TBL1X: variants seen among roughly 807,000 people sequenced by gnomAD.
The protein encoded by TBL1X is transducin beta like 1 X-linked, also known as F-box-like/WD repeat-containing protein TBL1X.
Under a neutral mutation model 50.7 loss-of-function variants are expected in TBL1X, and 10 were observed. The observed-to-expected ratio is 0.20, with a 90% CI of 0.12 to 0.33. The LOEUF (loss-of-function observed/expected upper bound fraction) is 0.33. Ranked by LOEUF, TBL1X falls within the 10% of genes least tolerant of loss-of-function variation. The pLI, the probability that TBL1X is intolerant of heterozygous loss-of-function variation, is 1.00. For synonymous variants in TBL1X, 190 were observed against 214.7 expected (o/e 0.88, Z 1.01); for missense variants, 340 against 504.4 (o/e 0.67, Z 3.12).
At chrX:9,649,266 C>A (rs2082821293) in intron 3 of TBL1X, among the ~76,000 whole-genome samples, 1 of 112,167 alleles carries the variant, frequency 8.9e-6, no homozygotes. Flanking sequence ...TAAAAGCTAG[C>A]AAAGTAAGTG....
chrX:9,513,329 C>T (rs1391527013), intron 2 of TBL1X, among the ~76,000 whole-genome samples: 1 of 110,721 alleles, frequency 9.0e-6, no homozygotes, highest in Non-Finnish European at 1.9e-5. Flanking sequence ...CAGAAATTCC[C>T]CTCACGAGGT....
chrX:9,571,274 A>G (rs1043057165), intron 2 of TBL1X, among the ~76,000 whole-genome samples: 5 of 111,877 alleles, frequency 4.5e-5, no homozygotes, highest in Non-Finnish European at 9.4e-5. Flanking sequence ...GAGAGCTTGC[A>G]CACTTCGACA....
At chrX:9,513,257 C>A (rs1026336709) in intron 2 of TBL1X, among the ~76,000 whole-genome samples, 1 of 110,963 alleles carries the variant, frequency 9.0e-6, no homozygotes, top group African/African-American at 3.3e-5. Flanking sequence ...TCATATTAAA[C>A]TAACCCAGGT....
intron 2 of TBL1X, among the ~76,000 whole-genome samples, chrX:9,513,905 G>A (rs1388438686): frequency 2.8e-5 from 3 of 108,854 alleles, no homozygotes; most frequent in Non-Finnish European, 5.7e-5. Flanking sequence ...CATGGCAAGA[G>A]AGGGAGCAAG....
intron 11 of TBL1X, among the ~76,000 whole-genome samples, chrX:9,694,667 C>G (rs1289555451): frequency 9.0e-6 from 1 of 111,629 alleles, no homozygotes; most frequent in Non-Finnish European, 1.9e-5. Flanking sequence ...CTTTCTAGTT[C>G]TGAAAGTTAT....
chrX:9,606,250 A>T (rs1428350405), intron 2 of TBL1X, among the ~76,000 whole-genome samples: 1 of 111,747 alleles, frequency 8.9e-6, no homozygotes, highest in African/African-American at 3.3e-5. Context: ...GCTCACGGGG[A>T]CCGACCGTCT....
intron 5 of TBL1X, among the ~76,000 whole-genome samples, chrX:9,673,713 G>C (rs961911695): frequency 8.9e-6 from 1 of 112,448 alleles, no homozygotes; most frequent in African/African-American, 3.2e-5. Flanking sequence ...TTCAAATACA[G>C]TTGGCCCTCC....
intron 2 of TBL1X, among the ~76,000 whole-genome samples, chrX:9,618,404 G>A (rs988054860): frequency 1.1e-4 from 12 of 112,286 alleles, no homozygotes; most frequent in East Asian, 5.6e-4. Context: ...GGCCGGGCGC[G>A]GTGGCTCACG....
rs187187813 is a variant in TBL1X, at chrX:9,666,655, C to T, written c.211+12333C>T. Among the ~76,000 whole-genome samples the T allele has an allele frequency of 6.6e-3, 734 of 111,660 alleles. 5 individuals carry two copies. Among genetic ancestry groups the T allele is most frequent in the Non-Finnish European group, 0.01 (548 of 53,162 alleles). On this transcript the variant is annotated intron_variant, in intron 5 of 17. Transcript: ENST00000645353. Reference sequence around the variant, plus strand: ...ATAATTGTTTGACTTGTCTGTTTTACAGCCATTGGATTCTAGATAAGGCCT... The same window carrying T: ...ATAATTGTTTGACTTGTCTGTTTTATAGCCATTGGATTCTAGATAAGGCCT...
At chrX:9,467,306 A>C (rs1195769934) in intron 1 of TBL1X, among the ~76,000 whole-genome samples, 1 of 111,623 alleles carries the variant, frequency 9.0e-6, no homozygotes, top group Non-Finnish European at 1.9e-5. Flanking sequence ...GCTGGATAGG[A>C]GCACACCTCC....
intron 2 of TBL1X, among the ~76,000 whole-genome samples, chrX:9,562,436 T>G (rs1480089380): frequency 8.9e-6 from 1 of 112,281 alleles, no homozygotes; most frequent in African/African-American, 3.2e-5. Context: ...TTAGAAGTAC[T>G]GATTTTGCCA....
At chrX:9,588,032 C>T (rs887344560) in intron 2 of TBL1X, among the ~76,000 whole-genome samples, 45 of 111,837 alleles carry the variant, frequency 4.0e-4, no homozygotes, top group Admixed American at 2.9e-3. Context: ...TTCATATCCA[C>T]GAGTTCTGCT....
At chrX:9,567,533 C>T (rs1400239745) in intron 2 of TBL1X, among the ~76,000 whole-genome samples, 1 of 111,761 alleles carries the variant, frequency 8.9e-6, no homozygotes, top group African/African-American at 3.2e-5. Flanking sequence ...TAAGTCTGCC[C>T]CAGCTTGGGG....
chrX:9,689,119 C>CT (rs2083081983), intron 7 of TBL1X, among the ~76,000 whole-genome samples: 1 of 113,388 alleles, frequency 8.8e-6, no homozygotes, highest in Non-Finnish European at 1.9e-5. Context: ...CGCACGCACG[C>CT]ACACCTGTGC....
Position 9,485,766 on chromosome X carries a change from C to G in TBL1X, c.-200-16014C>G, listed in dbSNP as rs747739616. The stretch of plus-strand genomic sequence containing the variant: ...AACCAAATCCATCCTTTCTTCATCC[C>G]CCTGCCCTGCCAAAATCAACCAGTC... On this transcript the variant is annotated intron_variant, in intron 1 of 17. Coordinates refer to ENST00000645353, the MANE Select transcript of TBL1X (RefSeq NM_005647.4). 1.3e-3 allele frequency among the ~76,000 whole-genome samples: 146 copies of G among 111,822 alleles called. 1 individual carries two copies. The highest frequency in any genetic ancestry group is 2.5e-3 in the Non-Finnish European group (132 of 53,141).
chrX:9,662,129 G>A (rs748828332), intron 5 of TBL1X, among the ~76,000 whole-genome samples: 1 of 111,324 alleles, frequency 9.0e-6, no homozygotes, highest in African/African-American at 3.3e-5. Flanking sequence ...AGTTTTTGCC[G>A]GAGTGGAGGC....
intron 5 of TBL1X, among the ~76,000 whole-genome samples, chrX:9,665,971 A>G (rs1342183023): frequency 9.0e-6 from 1 of 111,278 alleles, no homozygotes; most frequent in Admixed American, 9.6e-5. Context: ...GCACTTTTGG[A>G]TTAGAGAAGC....
chrX:9,464,000 T>C (rs113767792), upstream of TBL1X, among the ~76,000 whole-genome samples: 1,873 of 111,991 alleles, frequency 0.017, 51 homozygotes, highest in African/African-American at 0.058. Flanking sequence ...AGTGAGGTTA[T>C]AGTTTAGATT....
At chrX:9,654,154 C>CA (rs367680489) in intron 4 of TBL1X, 61 bp from the exon 5 acceptor site, 59,824 of 665,288 alleles carry the variant, frequency 0.09, 7 homozygotes, top group Non-Finnish European at 0.099. Flanking sequence ...TTAGTCATCT[C>CA]AAAAAAAAAA....
Sources: allele counts gnomAD v4.1 joint callset (sites outside exome capture counted in the v4.1 genomes callset), GRCh38; gene constraint gnomAD v4.1.1; transcripts MANE v1.5; gene names NCBI Gene and HGNC (gene_info 2026-07-23, HGNC 2026-07-21).